The following SEC23A variants were observed in gnomAD, a reference collection of about 807,000 sequenced individuals.
SEC23A encodes protein transport protein Sec23A.
SEC23A carries 56 observed loss-of-function variants against 103.7 expected under a neutral mutation model. The ratio of observed to expected loss-of-function variants is 0.54; its 90% confidence interval spans 0.44 to 0.67. The LOEUF (loss-of-function observed/expected upper bound fraction) is 0.67, where lower values mean the gene tolerates loss of function less well. Ranked by LOEUF, SEC23A falls within the 30% of genes least tolerant of loss-of-function variation. The pLI is 0.00. For synonymous variants in SEC23A, 281 were observed against 293.0 expected (o/e 0.96, Z 0.42); for missense variants, 784 against 936.4 (o/e 0.84, Z 2.12).
chr14:39,081,885 G>C lies in SEC23A; in HGVS notation c.828+3877C>G, dbSNP rs116312347. Among the ~76,000 whole-genome samples the C allele has an allele frequency of 7.2e-3, 1,101 of 151,928 alleles. 16 individuals are homozygous for C. Among genetic ancestry groups the C allele is most frequent in the African/African-American group, 0.025 (1,046 of 41,432 alleles). On this transcript the variant is annotated intron_variant, in intron 7 of 19. Transcript: ENST00000307712. The stretch of plus-strand genomic sequence containing the variant: ...TATATGCACATACATCTTCTTCTTA[G>C]CTCCATCCGCTGGGACCTAGAATTA...
At chr14:39,065,985 G>A (rs7158043) in intron 10 of SEC23A, among the ~76,000 whole-genome samples, 19,685 of 91,100 alleles carry the variant, frequency 0.22, 1,638 homozygotes, top group Middle Eastern at 0.34. Context: ...CAATAAGAGC[G>A]AAACTCCATC....
At chr14:39,042,942 G>T in intron 16 of SEC23A, 70 bp from the exon 17 acceptor site, 1 of 955,842 alleles carries the variant, frequency 1.0e-6, no homozygotes, top group Non-Finnish European at 1.6e-6. Context: ...TAAAATAGAT[G>T]TTTCCAGGTT....
At chr14:39,060,246 T>C (rs367707968) in intron 13 of SEC23A, among the ~76,000 whole-genome samples, 2 of 152,302 alleles carry the variant, frequency 1.3e-5, no homozygotes, top group South Asian at 4.1e-4. Context: ...ATGAATAATG[T>C]ATCCCCTTGA....
At chr14:39,036,425 T>C (rs188812618) in intron 19 of SEC23A, among the ~76,000 whole-genome samples, 2 of 151,730 alleles carry the variant, frequency 1.3e-5, no homozygotes, top group African/African-American at 4.8e-5. Flanking sequence ...GTTTTATTAA[T>C]CTTCAGTTGA....
intron 19 of SEC23A, among the ~76,000 whole-genome samples, chr14:39,035,847 G>T (rs1885442028): frequency 6.6e-6 from 1 of 152,162 alleles, no homozygotes; most frequent in African/African-American, 2.4e-5. Flanking sequence ...CGGGAAAAGG[G>T]ATGACAGGAC....
intron 10 of SEC23A, among the ~76,000 whole-genome samples, chr14:39,065,835 C>T (rs1001089059): frequency 2.6e-5 from 4 of 151,898 alleles, no homozygotes; most frequent in Admixed American, 1.3e-4. Flanking sequence ...CCCATCTCTA[C>T]TAAAAACACA....
At chr14:39,051,156 G>A (rs755503252) in intron 14 of SEC23A, among the ~76,000 whole-genome samples, 1 of 152,194 alleles carries the variant, frequency 6.6e-6, no homozygotes, top group Non-Finnish European at 1.5e-5. Flanking sequence ...ATTTAGCATA[G>A]TAATATGTTT....
intron 9 of SEC23A, among the ~76,000 whole-genome samples, chr14:39,073,875 T>G (rs1326705087): frequency 6.6e-6 from 1 of 152,116 alleles, no homozygotes; most frequent in Non-Finnish European, 1.5e-5. Context: ...CCCAAAGTGC[T>G]GGGATTACAA....
chr14:39,078,140 A>C (rs1418832180), intron 7 of SEC23A, among the ~76,000 whole-genome samples: 3 of 152,042 alleles, frequency 2.0e-5, no homozygotes, highest in African/African-American at 7.2e-5. Context: ...CTATAGTCCC[A>C]GCTTCTCAGG....
intron 15 of SEC23A, among the ~76,000 whole-genome samples, chr14:39,046,555 G>A (rs568135838): frequency 1.6e-4 from 25 of 151,962 alleles, no homozygotes; most frequent in African/African-American, 6.0e-4. Context: ...ACATGAGAAC[G>A]AATACCATGA....
chr14:39,101,922 G>T (rs1227550820), intron 1 of SEC23A, among the ~76,000 whole-genome samples: 2 of 151,988 alleles, frequency 1.3e-5, no homozygotes, highest in African/African-American at 4.8e-5. Flanking sequence ...CTAAAATTCT[G>T]TAAGTCAATT....
chr14:39,039,887 T>C (rs958326739), intron 18 of SEC23A: 1 of 152,132 alleles, frequency 6.6e-6, no homozygotes, highest in African/African-American at 2.4e-5. Flanking sequence ...GAGGATCAAA[T>C]GAGATAAGGC....
intron 2 of SEC23A, among the ~76,000 whole-genome samples, chr14:39,095,195 G>T (rs1050943294): frequency 2.0e-5 from 3 of 152,184 alleles, no homozygotes; most frequent in Non-Finnish European, 2.9e-5. Context: ...GGATTGGCTG[G>T]GGGGAGAGGG....
intron 13 of SEC23A, among the ~76,000 whole-genome samples, chr14:39,056,334 T>C (rs757791434): frequency 6.6e-6 from 1 of 152,196 alleles, no homozygotes; most frequent in Non-Finnish European, 1.5e-5. Flanking sequence ...GGTTTCACCA[T>C]GTTCACTAGG....
In SEC23A at chr14:39,055,304, C is replaced by A. The variant is rs754636389; in HGVS notation, c.1506-8G>T. 1 of 1,612,770 alleles carries A rather than the reference C, an allele frequency of 6.2e-7. No individual in the cohort carries two copies. The highest frequency in any genetic ancestry group is 1.1e-5 in the South Asian group (1 of 91,050). On this transcript the variant is annotated splice_region_variant and splice_polypyrimidine_tract_variant and intron_variant, in intron 13 of 19. Transcript: ENST00000307712. Reference sequence around the variant, plus strand: ...GTTTGAGCATCTGCCCAGCTGAAGACAATAAGAAAGCATAGAAATGCTTCT... The same window carrying A: ...GTTTGAGCATCTGCCCAGCTGAAGAAAATAAGAAAGCATAGAAATGCTTCT...
At chr14:39,088,163 T>C (rs1887512159) in intron 5 of SEC23A, 1 of 152,138 alleles carries the variant, frequency 6.6e-6, no homozygotes, top group African/African-American at 2.4e-5. Flanking sequence ...TCCAGGACTA[T>C]CTGGGGAGCA....
intron 13 of SEC23A, among the ~76,000 whole-genome samples, chr14:39,056,271 T>G (rs754725071): frequency 3.3e-5 from 5 of 152,142 alleles, no homozygotes; most frequent in African/African-American, 4.8e-5. Context: ...ATCCTCCTGT[T>G]CTACTTACTA....
At position 39,066,717 on chromosome 14, in the gene SEC23A, G is replaced by T. The variant is rs1886680785; in HGVS notation, c.1227+456C>A. On this transcript the variant is annotated intron_variant, in intron 10 of 19. Transcript: ENST00000307712. ...GCGTCTCTACTAAAAACACAAATTA[G>T]ACAGACACAGTGGCACACACCTGTA... Among the ~76,000 whole-genome samples the T allele has an allele frequency of 3.9e-5, 6 of 152,118 alleles. No homozygotes were observed. In the South Asian group the frequency reaches 1.2e-3, roughly 32 times the overall value.
intron 5 of SEC23A, among the ~76,000 whole-genome samples, chr14:39,089,993 C>T (rs1688713676): frequency 6.6e-6 from 1 of 152,130 alleles, no homozygotes; most frequent in African/African-American, 2.4e-5. Flanking sequence ...TCTCTACCTT[C>T]TCAAATCTTA....
Sources: allele counts gnomAD v4.1 joint callset (sites outside exome capture counted in the v4.1 genomes callset), GRCh38; gene constraint gnomAD v4.1.1; transcripts MANE v1.5; gene names NCBI Gene and HGNC (gene_info 2026-07-23, HGNC 2026-07-21).